Variants in ZCWPW2 observed in about 807,000 individuals in gnomAD.
ZCWPW2 encodes zinc finger CW-type PWWP domain protein 2.
ZCWPW2 carries 45 observed loss-of-function variants against 46.6 expected under a neutral mutation model. The ratio of observed to expected loss-of-function variants is 0.96; its 90% CI spans 0.76 to 1.24. The LOEUF (loss-of-function observed/expected upper bound fraction) is 1.24. ZCWPW2 is among the 50% of genes most tolerant of loss of function. The probability of loss-of-function intolerance (pLI) is 0.00; values close to 1 mark genes in which losing one functional copy is unlikely to be tolerated. For synonymous variants in ZCWPW2, 152 were observed against 137.1 expected (o/e 1.11, Z -0.76); for missense variants, 429 against 403.9 (o/e 1.06, Z -0.53).
chr3:28,445,321 A>G (rs993546176), intron 4 of ZCWPW2, among the ~76,000 whole-genome samples: 3 of 151,962 alleles, frequency 2.0e-5, no homozygotes, highest in African/African-American at 7.2e-5. Flanking sequence ...TTTCTGCATA[A>G]CTTAAGATAC....
chr3:28,416,783 T>G (rs1290613148), intron 3 of ZCWPW2, among the ~76,000 whole-genome samples: 2 of 94,134 alleles, frequency 2.1e-5, no homozygotes, highest in Non-Finnish European at 4.2e-5. Context: ...TCATGTGGTT[T>G]CTGTCTTTGG....
intron 1 of ZCWPW2, among the ~76,000 whole-genome samples, chr3:28,360,349 CAAAAAAAAAA>C (rs71087692): frequency 2.6e-4 from 14 of 53,918 alleles, no homozygotes; most frequent in East Asian, 1.3e-3. Flanking sequence ...ACTAAAAATA[CAAAAAAAAAA>C]AAAAAAAAAA....
At chr3:28,353,660 T>G (rs1704632652) in intron 1 of ZCWPW2, among the ~76,000 whole-genome samples, 1 of 152,270 alleles carries the variant, frequency 6.6e-6, no homozygotes, top group African/African-American at 2.4e-5. Context: ...TAGGAATTGT[T>G]TGCTGACAGA....
At chr3:28,469,166 A>C (rs57378155) in intron 4 of ZCWPW2, among the ~76,000 whole-genome samples, 4,182 of 152,220 alleles carry the variant, frequency 0.027, 175 homozygotes, top group African/African-American at 0.085. Flanking sequence ...GCTTAAAATA[A>C]TGGGTTATAA....
At chr3:28,412,973 ATTTC>A in intron 2 of ZCWPW2, 79 bp from the exon 3 acceptor site, 1 of 1,081,328 alleles carries the variant, frequency 9.2e-7, no homozygotes. Context: ...TCAAAGAGGA[ATTTC>A]TCTGATTTTT....
At chr3:28,450,966 T>G (rs539634028) in intron 4 of ZCWPW2, among the ~76,000 whole-genome samples, 66 of 152,306 alleles carry the variant, frequency 4.3e-4, no homozygotes, top group Non-Finnish European at 7.2e-4. Context: ...ACACCCTTAT[T>G]GTAGGTAGGA....
intron 1 of ZCWPW2, among the ~76,000 whole-genome samples, chr3:28,383,552 G>GT (rs1255492741): frequency 2.7e-4 from 41 of 151,716 alleles, no homozygotes; most frequent in African/African-American, 9.9e-4. Flanking sequence ...ACCTATTAGG[G>GT]TATATTTTTT....
chr3:28,387,294 T>C (rs1695314803), intron 1 of ZCWPW2, among the ~76,000 whole-genome samples: 1 of 152,178 alleles, frequency 6.6e-6, no homozygotes, highest in African/African-American at 2.4e-5. Flanking sequence ...CCCATCTGTC[T>C]TCTTTCATGG....
chr3:28,444,675 C>T lies in ZCWPW2; in HGVS notation c.492+9406C>T, dbSNP rs535676142. Among the ~76,000 whole-genome samples, 5 of 152,304 alleles carry T rather than the reference C, an allele frequency of 3.3e-5. No individual in the cohort carries two copies. In the East Asian group the frequency reaches 9.7e-4, roughly 29 times the overall value. ...TTCCACAATTTCAGCTCTTCCTCTA[C>T]AGGAGATAAGACTCTCACTTAGGGC... On this transcript the variant is annotated intron_variant, in intron 4 of 9. Coordinates refer to ENST00000383768, the MANE Select transcript of ZCWPW2 (RefSeq NM_001040432.4).
chr3:28,470,269 C>T (rs1180304934), intron 4 of ZCWPW2, among the ~76,000 whole-genome samples: 1 of 152,038 alleles, frequency 6.6e-6, no homozygotes, highest in East Asian at 1.9e-4. Flanking sequence ...CCGAGGCTGG[C>T]AGATCATGAA....
intron 1 of ZCWPW2, among the ~76,000 whole-genome samples, chr3:28,380,558 A>G (rs549767826): frequency 1.2e-4 from 19 of 152,302 alleles, no homozygotes; most frequent in Admixed American, 9.8e-4. Context: ...CATGTCGTCA[A>G]TGATTTCCAT....
intron 2 of ZCWPW2, among the ~76,000 whole-genome samples, chr3:28,405,059 C>A (rs1018054904): frequency 9.9e-5 from 15 of 152,094 alleles, no homozygotes; most frequent in African/African-American, 3.6e-4. Flanking sequence ...CTCATTTAGA[C>A]ATATATTCTT....
intron 4 of ZCWPW2, among the ~76,000 whole-genome samples, chr3:28,469,057 A>C (rs994801922): frequency 6.6e-6 from 1 of 152,164 alleles, no homozygotes; most frequent in African/African-American, 2.4e-5. Context: ...GAAACAATAA[A>C]AAGTTAAAAA....
At chr3:28,486,662 G>A (rs545517681) in intron 5 of ZCWPW2, among the ~76,000 whole-genome samples, 3 of 152,222 alleles carry the variant, frequency 2.0e-5, no homozygotes, top group African/African-American at 7.2e-5. Flanking sequence ...GATCACTTGA[G>A]CCCAGAGTTG....
intron 4 of ZCWPW2, among the ~76,000 whole-genome samples, chr3:28,436,032 TA>T (rs1218724599): frequency 1.3e-5 from 2 of 152,278 alleles, no homozygotes; most frequent in African/African-American, 4.8e-5. Flanking sequence ...TTTTAAACTT[TA>T]AATCTCACAT....
At chr3:28,521,579 TTTTACCA>T (rs756525788) in intron 9 of ZCWPW2, among the ~76,000 whole-genome samples, 6 of 152,146 alleles carry the variant, frequency 3.9e-5, no homozygotes, top group Admixed American at 3.3e-4. Context: ...CTGGAATAAG[TTTTACCA>T]TTTATATGTA....
intron 4 of ZCWPW2, among the ~76,000 whole-genome samples, chr3:28,438,057 C>T (rs908710415): frequency 6.6e-6 from 1 of 152,180 alleles, no homozygotes; most frequent in Non-Finnish European, 1.5e-5. Flanking sequence ...CCATTCCCAG[C>T]CCTGTGGCAG....
intron 1 of ZCWPW2, among the ~76,000 whole-genome samples, chr3:28,358,405 C>G (rs964521239): frequency 1.3e-5 from 2 of 152,054 alleles, no homozygotes; most frequent in South Asian, 2.1e-4. Context: ...TCTGATTATT[C>G]TTTTACAGTA....
intron 1 of ZCWPW2, among the ~76,000 whole-genome samples, chr3:28,373,430 T>C (rs779840816): frequency 2.0e-5 from 3 of 152,108 alleles, no homozygotes; most frequent in Admixed American, 2.0e-4. Flanking sequence ...TTTTTTCATA[T>C]ACCTATTGGC....
Sources: gnomAD v4.1 joint callset for allele counts (sites outside exome capture counted in the v4.1 genomes callset) on GRCh38, gnomAD v4.1.1 for gene constraint, MANE v1.5 for transcripts, NCBI Gene and HGNC (gene_info 2026-07-23, HGNC 2026-07-21) for gene names.